The following UGT1A10 variants were observed in gnomAD, a reference collection of about 807,000 sequenced individuals.
UGT1A10 encodes UDP glucuronosyltransferase family 1 member A10.
Under a neutral mutation model 45.8 loss-of-function variants are expected in UGT1A10, and 49 were observed. That is an observed-to-expected ratio of 1.07 (90% CI 0.85 to 1.36). UGT1A10 has a LOEUF of 1.36. UGT1A10 is among the 40% of genes most tolerant of loss of function. The pLI is 0.00. For missense variants in UGT1A10, 745 were observed against 668.6 expected (o/e 1.11, Z -1.26); for synonymous variants, 284 against 249.7 (o/e 1.14, Z -1.29).
intron 1 of UGT1A10, among the ~76,000 whole-genome samples, chr2:233,734,479 AT>A (rs1271707890): frequency 6.6e-6 from 1 of 151,796 alleles, no homozygotes; most frequent in Non-Finnish European, 1.5e-5. Flanking sequence ...GGATTCATTG[AT>A]TTTTTTGAAG....
chr2:233,708,241 G>A (rs1272155172), intron 1 of UGT1A10, among the ~76,000 whole-genome samples: 1 of 152,164 alleles, frequency 6.6e-6, no homozygotes, highest in Non-Finnish European at 1.5e-5. Flanking sequence ...CAATGTATAA[G>A]TGTACACTTT....
At chr2:233,758,073 C>T (rs1352690348) in intron 1 of UGT1A10, among the ~76,000 whole-genome samples, 1 of 152,154 alleles carries the variant, frequency 6.6e-6, no homozygotes, top group East Asian at 1.9e-4. Context: ...CTTTCTGGGC[C>T]TAGTTCCTAG....
At chr2:233,757,560 A>ATG (rs199649558) in intron 1 of UGT1A10, among the ~76,000 whole-genome samples, 16 of 123,134 alleles carry the variant, frequency 1.3e-4, no homozygotes, top group African/African-American at 3.4e-4. Context: ...ATATATATAT[A>ATG]TGTATATATG....
chr2:233,648,439 T>TA, intron 1 of UGT1A10: 2 of 153,366 alleles, frequency 1.3e-5, no homozygotes, highest in East Asian at 1.8e-4. Context: ...TGCTGTGACT[T>TA]TTTATTATTA....
chr2:233,769,948 G>A lies in UGT1A10; in HGVS notation c.1295+1509G>A, dbSNP rs34217924. ...TGTGGTCCCATTCCTTCCTTCCAGC[G>A]GCTTCTTCTGGCCACCTCAATGTCA... On this transcript the variant is annotated intron_variant, in intron 4 of 4. Transcript: ENST00000344644. The surrounding 1 kb of genome is among the most constrained non-coding windows in gnomAD (Gnocchi z 4.4). The A allele has an allele frequency of 2.0e-3, 447 of 222,054 alleles. 3 individuals carry two copies. The highest frequency in any genetic ancestry group is 0.017 in the East Asian group (164 of 9,732). The allele number at this position is 222,054 out of a possible 1,614,324, so 13.8% of individuals were successfully genotyped here. A position where few individuals can be genotyped will look rare whatever the true frequency, so the allele number is the denominator to read the frequency against.
At chr2:233,721,607 A>C (rs1233448854) in intron 1 of UGT1A10, 2 of 179,574 alleles carry the variant, frequency 1.1e-5, no homozygotes, top group Non-Finnish European at 1.2e-5. Flanking sequence ...GTTTAGGAAC[A>C]ATTTGTTCCT....
chr2:233,703,013 G>T lies in UGT1A10; in HGVS notation c.856-64021G>T, dbSNP rs144391169. ...CTCTTCTATTTTTTGGGAACAGTCT[G>T]TCAAGAATTGGTATTCATTCTTTAC... is the stretch of plus-strand genomic sequence containing the variant. On this transcript the variant is annotated intron_variant, in intron 1 of 4. Coordinates refer to ENST00000344644, the MANE Select transcript of UGT1A10 (RefSeq NM_019075.4). Among the ~76,000 whole-genome samples, 828 of 152,308 alleles carry T rather than the reference G, an allele frequency of 5.4e-3. 6 individuals carry two copies. The highest frequency in any genetic ancestry group is 0.019 in the African/African-American group (788 of 41,570).
chr2:233,772,315 A>T lies in UGT1A10; in HGVS notation c.1349A>T (p.Glu450Val). The change falls in exon 5 of 5, where the codon GAG becomes GTG. Residue 450 changes from glutamate to valine, a missense_variant. Physicochemically the swap from Glu to Val is moderately radical, Grantham distance 121. Transcript: ENST00000344644. ...AGCCTTCACAAGGACCGCCCGGTGG[A>T]GCCGCTGGACCTGGCCGTGTTCTGG... ...LSSLHKDRPV[E>V]PLDLAVFWVE... is the part of the protein sequence containing the mutation. 1 of 1,614,114 alleles carries T rather than the reference A, an allele frequency of 6.2e-7. No individual in the cohort carries two copies. The highest frequency in any genetic ancestry group is 8.5e-7 in the Non-Finnish European group (1 of 1,180,032).
intron 1 of UGT1A10, among the ~76,000 whole-genome samples, chr2:233,731,766 G>A (rs2078201810): frequency 2.0e-5 from 3 of 152,172 alleles, no homozygotes; most frequent in African/African-American, 7.2e-5. Flanking sequence ...TGTCCTTAGA[G>A]TAGTATCATT....
chr2:233,727,510 G>A (rs1189084466), intron 1 of UGT1A10, among the ~76,000 whole-genome samples: 2 of 152,170 alleles, frequency 1.3e-5, no homozygotes, highest in Admixed American at 1.3e-4. Flanking sequence ...GCCCATGAAT[G>A]TGGGAAGAGC....
intron 1 of UGT1A10, among the ~76,000 whole-genome samples, chr2:233,640,284 C>T (rs1227729214): frequency 6.6e-6 from 1 of 151,992 alleles, no homozygotes; most frequent in African/African-American, 2.4e-5. Flanking sequence ...CAGTGTTTTG[C>T]TGTATTAATT....
chr2:233,761,167 G>C, intron 1 of UGT1A10: 1 of 1,614,098 alleles, frequency 6.2e-7, no homozygotes. Flanking sequence ...TATTGGAGTG[G>C]GACTTTTACA....
chr2:233,666,259 G>A (rs1038743040), intron 1 of UGT1A10, among the ~76,000 whole-genome samples: 1 of 152,158 alleles, frequency 6.6e-6, no homozygotes, highest in East Asian at 1.9e-4. Context: ...TCATTCATCA[G>A]GGATCCACTC....
intron 1 of UGT1A10, among the ~76,000 whole-genome samples, chr2:233,688,893 G>A (rs1289249191): frequency 6.6e-6 from 1 of 152,152 alleles, no homozygotes; most frequent in Admixed American, 6.5e-5. Flanking sequence ...AATCTTGGGA[G>A]AAGTTGGGGG....
intron 1 of UGT1A10, among the ~76,000 whole-genome samples, chr2:233,687,583 T>TAAAAA (rs71398794): frequency 9.3e-6 from 1 of 107,450 alleles, no homozygotes. Flanking sequence ...ACATTCTTTG[T>TAAAAA]AAAAAAAAAA....
chr2:233,682,199 C>A (rs151080578), intron 1 of UGT1A10: 3 of 1,614,152 alleles, frequency 1.9e-6, no homozygotes, highest in Non-Finnish European at 2.5e-6. Context: ...GGATCAGGAC[C>A]GGGAGTTCAT....
rs373408916 is a variant in UGT1A10, at chr2:233,682,060, G to A, written c.855+44683G>A. 166 of 1,614,026 alleles carry A rather than the reference G, an allele frequency of 1.0e-4. No homozygotes were observed. The highest frequency in any genetic ancestry group is 1.3e-4 in the Non-Finnish European group (156 of 1,180,024). On this transcript the variant is annotated intron_variant, in intron 1 of 4. Coordinates refer to ENST00000344644, the MANE Select transcript of UGT1A10 (RefSeq NM_019075.4). The stretch of plus-strand genomic sequence containing the variant: ...TGGATGGGAGCCACTGGTTCACCAT[G>A]CAGTCGGTGGTGGAGAAACTCATCC...
chr2:233,640,386 T>C (rs953315929), intron 1 of UGT1A10, among the ~76,000 whole-genome samples: 1 of 152,148 alleles, frequency 6.6e-6, no homozygotes, highest in Non-Finnish European at 1.5e-5. Context: ...TCATTGAATA[T>C]TTTATTAAAT....
At chr2:233,643,033 C>T (rs1394428459) in intron 1 of UGT1A10, among the ~76,000 whole-genome samples, 1 of 152,200 alleles carries the variant, frequency 6.6e-6, no homozygotes, top group African/African-American at 2.4e-5. Context: ...TCACCCAAGG[C>T]CTGCTGTAAC....
Sources: allele counts gnomAD v4.1 joint callset (sites outside exome capture counted in the v4.1 genomes callset), GRCh38; gene constraint gnomAD v4.1.1; non-coding constraint Gnocchi (gnomAD v3.1); transcripts MANE v1.5; gene names NCBI Gene and HGNC (gene_info 2026-07-23, HGNC 2026-07-21).